Variants in COL22A1 observed in about 807,000 individuals in gnomAD.
The protein encoded by COL22A1 is collagen alpha-1(XXII) chain.
COL22A1 carries 221 observed loss-of-function variants against 248.9 expected under a neutral mutation model. The observed-to-expected ratio is 0.89, with a 90% CI of 0.80 to 0.99. The LOEUF (loss-of-function observed/expected upper bound fraction) is 0.99. Ranked by LOEUF, COL22A1 falls within the 50% of genes least tolerant of loss-of-function variation. The pLI is 0.00. For missense variants in COL22A1, 2,240 were observed against 2,179.0 expected (o/e 1.03, Z -0.56); for synonymous variants, 891 against 793.4 (o/e 1.12, Z -2.07).
Position 138,751,471 on chromosome 8 carries a change from A to G in COL22A1, c.2072T>C (p.Leu691Ser), listed in dbSNP as rs1242457572. 6.2e-7 allele frequency: 1 copy of G among 1,612,656 alleles called. No homozygotes were observed. The highest frequency in any genetic ancestry group is 1.7e-5 in the Admixed American group (1 of 59,864). ...GPEGRDGPPG[L>S]QGLRGKKGDM... ...GAGTTTACTTACTCGGAGACCTTGC[A>G]AACCAGGAGGTCCATCCCTGCCTTC... Residue 691 changes from leucine to serine, a missense_variant, in exon 22 of 65, where the codon TTG becomes TCG. By Grantham distance (145) the Leu-to-Ser change is moderately radical. Transcript: ENST00000303045.
intron 1 of COL22A1, among the ~76,000 whole-genome samples, chr8:138,887,864 C>A (rs781059909): frequency 6.6e-6 from 1 of 152,094 alleles, no homozygotes; most frequent in South Asian, 2.1e-4. Flanking sequence ...TGGGAGTGTG[C>A]GGGTGCTCCT....
intron 54 of COL22A1, among the ~76,000 whole-genome samples, chr8:138,616,684 C>T (rs1819346725): frequency 6.6e-6 from 1 of 152,224 alleles, no homozygotes; most frequent in Admixed American, 6.5e-5. Context: ...TTTGGCCAAA[C>T]TGGTTGGCCA....
intron 41 of COL22A1, among the ~76,000 whole-genome samples, chr8:138,673,400 G>C (rs1825219727): frequency 6.6e-6 from 1 of 152,008 alleles, no homozygotes; most frequent in Non-Finnish European, 1.5e-5. Context: ...AGTAGAGACA[G>C]GGTTTCACCA....
At chr8:138,721,042 T>C (rs1158597831) in intron 26 of COL22A1, among the ~76,000 whole-genome samples, 2 of 152,194 alleles carry the variant, frequency 1.3e-5, no homozygotes, top group African/African-American at 4.8e-5. Context: ...TTCTCTCTTA[T>C]TGAGAGATTT....
chr8:138,622,008 C>T (rs1819849857), intron 52 of COL22A1, among the ~76,000 whole-genome samples: 1 of 152,206 alleles, frequency 6.6e-6, no homozygotes, highest in Admixed American at 6.5e-5. Flanking sequence ...ATCTGGCAAA[C>T]AGTGTAAAAT....
At chr8:138,741,263 G>T (rs560917223) in intron 22 of COL22A1, among the ~76,000 whole-genome samples, 3 of 152,214 alleles carry the variant, frequency 2.0e-5, no homozygotes, top group Non-Finnish European at 4.4e-5. Context: ...CAAATGATGA[G>T]AAATAAATAC....
chr8:138,843,278 C>A (rs1442544181), intron 4 of COL22A1, among the ~76,000 whole-genome samples: 1 of 152,174 alleles, frequency 6.6e-6, no homozygotes, highest in Non-Finnish European at 1.5e-5. Flanking sequence ...AGGGTCCCAG[C>A]AGTACCTTCC....
chr8:138,760,188 C>G, intron 18 of COL22A1, 55 bp downstream of exon 18: 2 of 1,469,702 alleles, frequency 1.4e-6, no homozygotes, highest in Non-Finnish European at 1.8e-6. Flanking sequence ...GGCGGGCAGT[C>G]CCCGCACCTG....
intron 25 of COL22A1, among the ~76,000 whole-genome samples, chr8:138,722,861 TG>T (rs1399105401): frequency 1.1e-4 from 2 of 18,196 alleles, no homozygotes; most frequent in Non-Finnish European, 2.1e-4. Context: ...GGGGGGGGGG[TG>T]GTGGAAAACA....
intron 10 of COL22A1, among the ~76,000 whole-genome samples, chr8:138,807,432 A>G (rs1044028626): frequency 1.3e-5 from 2 of 152,200 alleles, no homozygotes; most frequent in Non-Finnish European, 2.9e-5. Context: ...AACCCCTAAA[A>G]GTTTCTGGAA....
At chr8:138,738,553 C>G (rs1831305519) in intron 22 of COL22A1, among the ~76,000 whole-genome samples, 1 of 152,130 alleles carries the variant, frequency 6.6e-6, no homozygotes, top group Admixed American at 6.5e-5. Context: ...CCCACCTGAT[C>G]CTTTCCTAAT....
At chr8:138,655,564 T>G (rs1360607615) in intron 45 of COL22A1, among the ~76,000 whole-genome samples, 1 of 152,132 alleles carries the variant, frequency 6.6e-6, no homozygotes, top group African/African-American at 2.4e-5. Context: ...ATCAGGTCTC[T>G]CTATGTTGCC....
chr8:138,640,747 C>T (rs1821611333), intron 47 of COL22A1, among the ~76,000 whole-genome samples: 1 of 152,180 alleles, frequency 6.6e-6, no homozygotes, highest in Admixed American at 6.5e-5. Flanking sequence ...TAAATTCCCC[C>T]TTGTTCAGTT....
chr8:138,796,913 T>C (rs1816594606), intron 11 of COL22A1, 56 bp from the exon 12 acceptor site: 3 of 1,122,072 alleles, frequency 2.7e-6, no homozygotes, highest in Admixed American at 1.7e-5. Flanking sequence ...TGGCATGACA[T>C]TGCAAATGGC....
chr8:138,874,797 G>A (rs1261997553), intron 3 of COL22A1, among the ~76,000 whole-genome samples: 2 of 152,186 alleles, frequency 1.3e-5, no homozygotes, highest in Non-Finnish European at 2.9e-5. Flanking sequence ...GAGCAGATAC[G>A]GGGCAGGGGC....
At chr8:138,775,925 A>G (rs371595677) in intron 16 of COL22A1, 41 bp downstream of exon 16, 10 of 1,599,160 alleles carry the variant, frequency 6.3e-6, no homozygotes, top group African/African-American at 4.0e-5. Flanking sequence ...TCCCTTTTCT[A>G]TGGAAAGCCG....
At chr8:138,716,579 C>A (rs1829450776) in intron 28 of COL22A1, among the ~76,000 whole-genome samples, 1 of 152,092 alleles carries the variant, frequency 6.6e-6, no homozygotes, top group South Asian at 2.1e-4. Flanking sequence ...ACAATGTCAC[C>A]TTCTCAGCAT....
chr8:138,715,575 A>G, intron 30 of COL22A1, 107 bp downstream of exon 30: 1 of 649,886 alleles, frequency 1.5e-6, no homozygotes, highest in Non-Finnish European at 2.4e-6. Context: ...ATTTTAAAAA[A>G]AAAAAAAAAA....
chr8:138,703,599 T>C (rs947260400), intron 30 of COL22A1, among the ~76,000 whole-genome samples: 1 of 152,212 alleles, frequency 6.6e-6, no homozygotes, highest in African/African-American at 2.4e-5. Flanking sequence ...ATATGCGTAG[T>C]GGTAGATCAT....
Sources: allele counts gnomAD v4.1 joint callset (sites outside exome capture counted in the v4.1 genomes callset), GRCh38; gene constraint gnomAD v4.1.1; transcripts MANE v1.5; gene names NCBI Gene and HGNC (gene_info 2026-07-23, HGNC 2026-07-21).